GTF3C3: variants seen among roughly 807,000 people sequenced by gnomAD.
GTF3C3 encodes the protein general transcription factor 3C polypeptide 3.
GTF3C3 carries 75 observed loss-of-function variants against 105.2 expected under a neutral mutation model. That is an observed-to-expected ratio of 0.71 (90% CI 0.59 to 0.86). The LOEUF (loss-of-function observed/expected upper bound fraction) is 0.86, where lower values mean the gene tolerates loss of function less well. Among genes scored for constraint, GTF3C3 ranks in the 40% least tolerant of loss-of-function variants. GTF3C3 has a pLI of 0.00. For synonymous variants in GTF3C3, 335 were observed against 370.4 expected, an observed-to-expected ratio of 0.90 and a Z score of 1.10; for missense variants, 856 against 1,076.5, an observed-to-expected ratio of 0.80 and a Z score of 2.87.
rs188666857 is a variant in GTF3C3 at position 196,779,828 on chromosome 2, G to A, written c.1218+731C>T. On this transcript the variant is annotated intron_variant, in intron 9 of 17. Transcript: ENST00000263956. ...CAAGTAGCTGGCACTACAGGTGTGC[G>A]CCACCACACCCAGCTAAATTTTTTG... Among the ~76,000 whole-genome samples the A allele has an allele frequency of 3.4e-3, 515 of 152,094 alleles. 11 individuals are homozygous for A. Among genetic ancestry groups the A allele is most frequent in the East Asian group, 3.1e-3 (16 of 5,172 alleles).
chr2:196,793,827 G>C (rs1356959323), intron 2 of GTF3C3, among the ~76,000 whole-genome samples: 1 of 152,098 alleles, frequency 6.6e-6, no homozygotes, highest in African/African-American at 2.4e-5. Context: ...TACCACCATA[G>C]TATAATATAA....
In GTF3C3 at chr2:196,789,947, C is replaced by A. The variant is rs1699518194; in HGVS notation, c.659G>T (p.Trp220Leu). ...AHLNPSDTEE[W>L]VRLAEMSLEQ... Reference sequence around the variant, plus strand: ...CAGAGACATTTCTGCCAGTCTAACCCATTCTTCTGTGTCACTGGGATTTAA... The same window carrying A: ...CAGAGACATTTCTGCCAGTCTAACCAATTCTTCTGTGTCACTGGGATTTAA... Residue 220 changes from tryptophan (W) to leucine (L), a missense_variant, in exon 5 of 18, where the codon TGG becomes TTG. Physicochemically the swap from Trp to Leu is moderately conservative, Grantham distance 61 (BLOSUM62 -2). This residue lies in a region of GTF3C3 where 605 missense variants were observed against 833.6 expected (regional missense o/e 0.73). Transcript: ENST00000263956. 4 of 1,613,444 alleles carry A rather than the reference C, an allele frequency of 2.5e-6. No homozygotes were observed. The highest frequency in any genetic ancestry group is 3.4e-6 in the Non-Finnish European group (4 of 1,179,568).
At chr2:196,780,347 T>C in intron 9 of GTF3C3, 1 of 1,189,620 alleles carries the variant, frequency 8.4e-7, no homozygotes, top group Non-Finnish European at 1.1e-6. Context: ...TAGATTGTTA[T>C]TTTAAAAGAA....
intron 10 of GTF3C3, chr2:196,778,590 G>T: frequency 3.3e-6 from 1 of 299,544 alleles, no homozygotes; most frequent in African/African-American, 2.2e-5. Flanking sequence ...ATTAGATTTT[G>T]CCCCAAGTCT....
At chr2:196,785,057 T>A in intron 7 of GTF3C3, 128 bp from the exon 8 acceptor site, 1 of 636,410 alleles carries the variant, frequency 1.6e-6, no homozygotes, top group East Asian at 2.7e-5. Flanking sequence ...AAGAGTCTTT[T>A]AAAAATGAGA....
At chr2:196,780,520 T>C in intron 9 of GTF3C3, 39 bp downstream of exon 9, 3 of 1,589,970 alleles carry the variant, frequency 1.9e-6, no homozygotes, top group Non-Finnish European at 2.6e-6. Flanking sequence ...GATGGTGCAT[T>C]TGATCTGAAG....
At position 196,793,007 on chromosome 2, in the gene GTF3C3, A is replaced by G; in HGVS notation, c.360T>C (p.Asp120=). ...EETPEQPTAG[D]VFVLEMVLNR... ...TGAGAACCATCTCCAATACAAATACATCGCCCGCAGTGGGTTGCTCAGGTG... is the reference window on the plus strand; with the variant it reads ...TGAGAACCATCTCCAATACAAATACGTCGCCCGCAGTGGGTTGCTCAGGTG... The change falls in exon 3 of 18, where the codon GAT becomes GAC. Residue 120 remains aspartate (D), a synonymous_variant. Coordinates refer to ENST00000263956, the MANE Select transcript of GTF3C3 (RefSeq NM_012086.5). 6.2e-7 allele frequency: 1 copy of G among 1,613,874 alleles called. No individual in the cohort carries two copies. The highest frequency in any genetic ancestry group is 8.5e-7 in the Non-Finnish European group (1 of 1,179,888).
chr2:196,775,848 CA>C, intron 12 of GTF3C3, among the ~76,000 whole-genome samples, 161 bp downstream of exon 12: 1 of 152,318 alleles, frequency 6.6e-6, no homozygotes, highest in East Asian at 1.9e-4. Flanking sequence ...AACTTTCAGT[CA>C]TATACCAATA....
At position 196,789,387 on chromosome 2, in the gene GTF3C3, C is replaced by T. The variant is rs1252734468; in HGVS notation, c.728-18G>A. The T allele has an allele frequency of 6.4e-7, 1 of 1,556,870 alleles. No individual in the cohort carries two copies. Among genetic ancestry groups the T allele is most frequent in the Non-Finnish European group, 8.7e-7 (1 of 1,147,952 alleles). ...TTTAAGAGCTAAAAAGAAAGAAATA[C>T]AAATTATTTACCACAAAAAGGGGTG... On this transcript the variant is annotated intron_variant, in intron 5 of 17. Coordinates refer to ENST00000263956, the MANE Select transcript of GTF3C3 (RefSeq NM_012086.5).
chr2:196,783,240 GT>G (rs1699397108), intron 8 of GTF3C3, among the ~76,000 whole-genome samples: 1 of 122,746 alleles, frequency 8.1e-6, no homozygotes, highest in South Asian at 2.9e-4. Flanking sequence ...GTTGATTTAT[GT>G]TAATATGTGC....
At position 196,797,786 on chromosome 2, in the gene GTF3C3, T is replaced by C; in HGVS notation, c.214+11A>G. On this transcript the variant is annotated intron_variant, in intron 2 of 17. Coordinates refer to ENST00000263956, the MANE Select transcript of GTF3C3 (RefSeq NM_012086.5). ...AACATTCATTGCAGGAAGCACATAA[T>C]TTTAACATACCTTCATTGACATCTT... The C allele has an allele frequency of 7.0e-7, 1 of 1,437,276 alleles. No homozygotes were observed. The highest frequency in any genetic ancestry group is 9.8e-7 in the Non-Finnish European group (1 of 1,018,986). 89.0% of individuals were successfully genotyped at this position (1,437,276 alleles called of 1,614,324 possible).
intron 8 of GTF3C3, among the ~76,000 whole-genome samples, chr2:196,781,342 G>GAAAAAAA (rs769914255): frequency 3.7e-3 from 115 of 31,426 alleles, no homozygotes; most frequent in African/African-American, 0.013. Flanking sequence ...ATGTTAAGGG[G>GAAAAAAA]AAAAAAAAAA....
chr2:196,780,792 T>A, intron 8 of GTF3C3, 130 bp from the exon 9 acceptor site: 2 of 1,112,530 alleles, frequency 1.8e-6, no homozygotes, highest in Non-Finnish European at 2.5e-6. Context: ...CCAACTCTAT[T>A]AATAAGTTCT....
intron 3 of GTF3C3, among the ~76,000 whole-genome samples, chr2:196,792,698 C>G (rs1474452160): frequency 6.6e-6 from 1 of 152,146 alleles, no homozygotes; most frequent in Non-Finnish European, 1.5e-5. Context: ...AGTGCTGCAG[C>G]CTTGACTTCC....
At chr2:196,777,184 T>A (rs1699273310) in intron 10 of GTF3C3, among the ~76,000 whole-genome samples, 3 of 152,290 alleles carry the variant, frequency 2.0e-5, no homozygotes, top group Non-Finnish European at 1.5e-5. Context: ...GGGTGCCCCA[T>A]TCCCACATGA....
intron 2 of GTF3C3, among the ~76,000 whole-genome samples, chr2:196,794,739 ACT>A (rs1699610959): frequency 7.3e-6 from 1 of 136,882 alleles, no homozygotes; most frequent in East Asian, 2.1e-4. Flanking sequence ...CCAGCCAAAA[ACT>A]CTTTTTTTTT....
intron 17 of GTF3C3, among the ~76,000 whole-genome samples, chr2:196,766,005 G>A (rs1044609696): frequency 9.9e-5 from 8 of 80,806 alleles, no homozygotes; most frequent in African/African-American, 2.5e-4. Flanking sequence ...GCAAGACTCT[G>A]TCTCCAAAAA....
At chr2:196,781,357 A>AAAAAAAAAAAAAAAAAATAT in intron 8 of GTF3C3, among the ~76,000 whole-genome samples, 8 of 18,822 alleles carry the variant, frequency 4.3e-4, no homozygotes, top group Non-Finnish European at 1.2e-3. Flanking sequence ...AAAAAAAAAA[A>AAAAAAAAAAAAAAAAAATAT]ATATATATAT....
chr2:196,799,297 C>A, intron 1 of GTF3C3: 1 of 529,814 alleles, frequency 1.9e-6, no homozygotes, highest in South Asian at 2.6e-5. Context: ...AAGAGGTTAC[C>A]ACCAAGACGA....
Sources: allele counts gnomAD v4.1 joint callset (sites outside exome capture counted in the v4.1 genomes callset), GRCh38; gene constraint gnomAD v4.1.1; regional missense constraint gnomAD v4.1.1; transcripts MANE v1.5; gene names NCBI Gene and HGNC (gene_info 2026-07-23, HGNC 2026-07-21).